The following PLXNA2 variants were observed in gnomAD, a reference collection of about 807,000 sequenced individuals.
PLXNA2 encodes plexin A2.
Under a neutral mutation model 193.5 loss-of-function variants are expected in PLXNA2, and 91 were observed. That is an observed-to-expected ratio of 0.47 (90% CI 0.40 to 0.56). The LOEUF (loss-of-function observed/expected upper bound fraction) is 0.56. PLXNA2 is among the 20% of genes least tolerant of loss of function. The pLI, the probability that PLXNA2 is intolerant of heterozygous loss-of-function variation, is 0.00. For synonymous variants in PLXNA2, 997 were observed against 1,027.3 expected, an observed-to-expected ratio of 0.97 and a Z score of 0.56; for missense variants, 1,995 against 2,503.2, an observed-to-expected ratio of 0.80 and a Z score of 4.33.
Position 208,038,907 on chromosome 1 carries a change from T to G in PLXNA2, c.4578A>C (p.Thr1526=), listed in dbSNP as rs768747647. 1.2e-6 allele frequency: 2 copies of G among 1,614,134 alleles called. No homozygotes were observed. Among genetic ancestry groups the G allele is most frequent in the Admixed American group, 3.3e-5 (2 of 60,024 alleles). ...PVKVLNCDTI[T]QVKEKILDAV... is the part of the protein sequence containing the mutation. The stretch of plus-strand genomic sequence containing the variant: ...CATCAAGAATCTTCTCCTTGACCTG[T>G]GTGATGGTGTCACAGTTTAACACCT... The change falls in exon 25 of 32, where the codon ACA becomes ACC. Residue 1526 remains threonine (T), a synonymous_variant. Transcript: ENST00000367033. This position sits in a 1 kb window ranked among gnomAD's most constrained non-coding sequence, Gnocchi z 4.1.
chr1:208,230,407 T>G (rs1478801956), intron 1 of PLXNA2: 1 of 152,242 alleles, frequency 6.6e-6, no homozygotes, highest in Non-Finnish European at 1.5e-5. Context: ...CAGGCCACCC[T>G]CCTCTCATGG....
At position 208,042,101 on chromosome 1, in the gene PLXNA2, C is replaced by T. The variant is rs1215090422; in HGVS notation, c.4283G>A (p.Arg1428Gln). ...CACCCACTGCTGCGGGCCAGACCTC[C>T]GGAGTAGCAGCTTGGGGTGGTTCTT... The part of the protein sequence containing the change: ...ENKNHPKLLL[R>Q]RTESVAEKML... The change falls in exon 22 of 32, where the codon CGG becomes CAG. Residue 1428 changes from arginine to glutamine, a missense_variant. Arg to Gln is a conservative substitution (Grantham distance 43, BLOSUM62 1). Transcript: ENST00000367033. 7 of 1,613,532 alleles carry T rather than the reference C, an allele frequency of 4.3e-6. No homozygotes were observed. Among genetic ancestry groups the T allele is most frequent in the African/African-American group, 1.3e-5 (1 of 74,896 alleles).
In PLXNA2 at chr1:208,033,472, C is replaced by T; in HGVS notation, c.4902G>A (p.Leu1634=). 6.2e-7 allele frequency: 1 copy of T among 1,613,010 alleles called. No individual in the cohort carries two copies. Among genetic ancestry groups the T allele is most frequent in the Non-Finnish European group, 8.5e-7 (1 of 1,179,316 alleles). ...GGGTGATCATCGGGGCCCGGGACCGCAGGCTGTCGGGGCTGCCCGTATACC... is the reference window on the plus strand; with the variant it reads ...GGGTGATCATCGGGGCCCGGGACCGTAGGCTGTCGGGGCTGCCCGTATACC... ...SFRYTGSPDS[L]RSRAPMITPD... The change falls in exon 28 of 32, where the codon CTG becomes CTA. Residue 1634 remains leucine (L), a synonymous_variant. Coordinates refer to ENST00000367033, the MANE Select transcript of PLXNA2 (RefSeq NM_025179.4).
intron 3 of PLXNA2, among the ~76,000 whole-genome samples, chr1:208,177,737 C>T (rs754560151): frequency 1.3e-5 from 2 of 152,240 alleles, no homozygotes; most frequent in Non-Finnish European, 2.9e-5. Flanking sequence ...CAACCGTGGT[C>T]CCCAGAGCAG....
intron 4 of PLXNA2, among the ~76,000 whole-genome samples, chr1:208,138,852 C>G (rs4844410): frequency 0.75 from 114,354 of 152,134 alleles, 43,286 homozygotes; most frequent in East Asian, 0.99. Context: ...CATGGCAAAA[C>G]CCCGGCTCTA....
At position 208,236,994 on chromosome 1, in the gene PLXNA2, GA is replaced by G. The variant is rs1164158322; in HGVS notation, c.-81+6648del. 6.6e-6 allele frequency among the ~76,000 whole-genome samples: 1 copy of G among 152,228 alleles called. No individual in the cohort carries two copies. Among genetic ancestry groups the G allele is most frequent in the African/African-American group, 2.4e-5 (1 of 41,436 alleles). On this transcript the variant is annotated intron_variant, in intron 1 of 31. Coordinates refer to ENST00000367033, the MANE Select transcript of PLXNA2 (RefSeq NM_025179.4). The surrounding 1 kb of genome is among the most constrained non-coding windows in gnomAD (Gnocchi z 4.4). The stretch of plus-strand genomic sequence containing the variant: ...CTCAGACGAGGTGCAGGGAGAGCAT[GA>G]CCTTCCTTTATAGGATTAGAGACAG...
Position 208,224,629 on chromosome 1 carries a change from G to A in PLXNA2, c.-80-6627C>T, listed in dbSNP as rs1318411056. Among the ~76,000 whole-genome samples, 7 of 152,100 alleles carry A rather than the reference G, an allele frequency of 4.6e-5. No individual in the cohort carries two copies. In the South Asian group the frequency reaches 1.0e-3, roughly 23 times the overall value. On this transcript the variant is annotated intron_variant, in intron 1 of 31. Transcript: ENST00000367033. Reference sequence around the variant, plus strand: ...ACCAGCTGCGTTTGCTTCATTAATCGAATGTCATTTTTTCCCTAGACTCTG... The same window carrying A: ...ACCAGCTGCGTTTGCTTCATTAATCAAATGTCATTTTTTCCCTAGACTCTG...
chr1:208,042,507 T>C (rs1571853756), intron 21 of PLXNA2, 141 bp from the exon 22 acceptor site: 1 of 791,220 alleles, frequency 1.3e-6, no homozygotes, highest in East Asian at 2.7e-5. Context: ...CCCACCCCAT[T>C]CCACTCACCC....
chr1:208,059,550 G>T (rs1270679671), intron 13 of PLXNA2, among the ~76,000 whole-genome samples: 8 of 152,206 alleles, frequency 5.3e-5, no homozygotes, highest in Non-Finnish European at 1.0e-4. Flanking sequence ...ATTTCAGACT[G>T]CTCCTGTCCA....
At chr1:208,074,951 T>C (rs1029652484) in intron 12 of PLXNA2, among the ~76,000 whole-genome samples, 1 of 152,202 alleles carries the variant, frequency 6.6e-6, no homozygotes, top group Non-Finnish European at 1.5e-5. Context: ...GGAAGTCCGA[T>C]GATTCAGAGG....
At chr1:208,055,287 C>T (rs572664378) in intron 13 of PLXNA2, among the ~76,000 whole-genome samples, 86 of 152,310 alleles carry the variant, frequency 5.6e-4, no homozygotes, top group African/African-American at 1.7e-3. Context: ...CGCTCTCTCT[C>T]GAGCAGCCCA....
chr1:208,172,069 G>A (rs1049460764), intron 3 of PLXNA2, among the ~76,000 whole-genome samples: 7 of 148,400 alleles, frequency 4.7e-5, no homozygotes, highest in Admixed American at 2.7e-4. Context: ...CTGCACCAAT[G>A]TTGTGCAGTG....
rs774860807 is a variant in PLXNA2, at chr1:208,060,837, T to C, written c.2587A>G (p.Ile863Val). ...VKCSNPQITE[I>V]LTVSGPPEGG... is the part of the protein sequence containing the mutation. ...TCCGGCGGTCCAGACACCGTCAAAATCTGCAGGAGGGAAATGGGATTAGCA... is the reference window on the plus strand; with the variant it reads ...TCCGGCGGTCCAGACACCGTCAAAACCTGCAGGAGGGAAATGGGATTAGCA... The change falls in exon 13 of 32, where the codon ATT becomes GTT. Residue 863 changes from isoleucine to valine, a missense_variant and splice_region_variant. By Grantham distance (29) the Ile-to-Val change is conservative (BLOSUM62 3). This residue lies in a region of PLXNA2 where 1,291 missense variants were observed against 1,673.6 expected (regional missense o/e 0.77). Transcript: ENST00000367033. 9.9e-6 allele frequency: 16 copies of C among 1,613,268 alleles called. No homozygotes were observed. The South Asian group carries it at 1.8e-4, about 18-fold the overall frequency.
chr1:208,055,686 G>A (rs975845283), intron 13 of PLXNA2, among the ~76,000 whole-genome samples: 2 of 152,104 alleles, frequency 1.3e-5, no homozygotes, highest in East Asian at 1.9e-4. Context: ...TTAACCGAGC[G>A]ATGCTTATCT....
intron 12 of PLXNA2, among the ~76,000 whole-genome samples, chr1:208,070,949 T>G (rs1484130260): frequency 1.3e-5 from 2 of 152,036 alleles, no homozygotes; most frequent in Non-Finnish European, 2.9e-5. Context: ...ACGAGCGTCC[T>G]GTGCAGGTGG....
At chr1:208,096,338 T>G (rs1666886223) in intron 7 of PLXNA2, among the ~76,000 whole-genome samples, 1 of 152,160 alleles carries the variant, frequency 6.6e-6, no homozygotes, top group African/African-American at 2.4e-5. Context: ...TTCCTCTGCC[T>G]GCAGGGAGGA....
intron 3 of PLXNA2, among the ~76,000 whole-genome samples, chr1:208,159,552 G>C (rs983714196): frequency 3.3e-5 from 5 of 152,244 alleles, no homozygotes; most frequent in African/African-American, 1.2e-4. Context: ...AGTCAGAGGA[G>C]ACTGGGGACA....
At chr1:208,031,416 G>C in intron 29 of PLXNA2, 174 bp downstream of exon 29, 4 of 1,316,312 alleles carry the variant, frequency 3.0e-6, no homozygotes, top group South Asian at 3.0e-5. Flanking sequence ...CAGGCAGCTG[G>C]GGACCGTGTG....
chr1:208,202,840 T>A (rs1670595727), intron 3 of PLXNA2, among the ~76,000 whole-genome samples: 1 of 152,192 alleles, frequency 6.6e-6, no homozygotes, highest in Non-Finnish European at 1.5e-5. Flanking sequence ...AGCTCAACCT[T>A]AAGACTGCAA....
Sources: gnomAD v4.1 joint callset for allele counts (sites outside exome capture counted in the v4.1 genomes callset) on GRCh38, gnomAD v4.1.1 for gene constraint, gnomAD v4.1.1 regional missense constraint, Gnocchi (gnomAD v3.1) non-coding constraint, MANE v1.5 for transcripts, NCBI Gene and HGNC (gene_info 2026-07-23, HGNC 2026-07-21) for gene names.